The following MYO5A variants were observed in gnomAD, a reference collection of about 807,000 sequenced individuals.
MYO5A encodes the protein unconventional myosin-Va.
Under a neutral mutation model 249.7 loss-of-function variants are expected in MYO5A, and 98 were observed. That is an observed-to-expected ratio of 0.39 (90% confidence interval 0.33 to 0.46). MYO5A has a LOEUF of 0.46. MYO5A is among the 20% of genes least tolerant of loss of function. MYO5A has a pLI of 0.98. For synonymous variants in MYO5A, 778 were observed against 810.6 expected, an observed-to-expected ratio of 0.96 and a Z score of 0.68; for missense variants, 1,696 against 2,308.8, an observed-to-expected ratio of 0.73 and a Z score of 5.44.
At chr15:52,397,871 A>C (rs1425211987) in intron 9 of MYO5A, among the ~76,000 whole-genome samples, 1 of 152,242 alleles carries the variant, frequency 6.6e-6, no homozygotes, top group East Asian at 1.9e-4. Context: ...AATGGGTATT[A>C]ATCAAATGAT....
chr15:52,527,908 A>C (rs2077755218), intron 1 of MYO5A, among the ~76,000 whole-genome samples: 1 of 152,264 alleles, frequency 6.6e-6, no homozygotes, highest in Admixed American at 6.5e-5. Context: ...ATCTACCTAC[A>C]CATGAGTGTA....
intron 27 of MYO5A, among the ~76,000 whole-genome samples, chr15:52,353,190 A>C (rs549096291): frequency 1.3e-5 from 2 of 152,316 alleles, no homozygotes; most frequent in East Asian, 3.9e-4. Flanking sequence ...GAGAGCCACT[A>C]ATCTAATACT....
chr15:52,336,638 A>C, intron 33 of MYO5A, 82 bp from the exon 34 acceptor site: 2 of 1,026,506 alleles, frequency 1.9e-6, no homozygotes, highest in Non-Finnish European at 2.9e-6. Context: ...ACACAATATC[A>C]CAGAAACAAC....
At chr15:52,361,223 G>A (rs111809783) in intron 24 of MYO5A, among the ~76,000 whole-genome samples, 1 of 152,140 alleles carries the variant, frequency 6.6e-6, no homozygotes, top group Non-Finnish European at 1.5e-5. Context: ...CAAATTCACT[G>A]TCTGTTTACA....
At chr15:52,505,295 C>T in intron 1 of MYO5A, 1 of 776,834 alleles carries the variant, frequency 1.3e-6, no homozygotes, top group South Asian at 1.3e-5. Flanking sequence ...GCAGATGTGG[C>T]AGTATTTGAA....
chr15:52,449,289 G>C (rs2075965350), intron 1 of MYO5A, among the ~76,000 whole-genome samples: 1 of 152,102 alleles, frequency 6.6e-6, no homozygotes, highest in Non-Finnish European at 1.5e-5. Context: ...CTTTATAGCA[G>C]TATGAGAATG....
chr15:52,450,363 TA>T (rs869146265), intron 1 of MYO5A, among the ~76,000 whole-genome samples: 27 of 146,984 alleles, frequency 1.8e-4, no homozygotes, highest in South Asian at 8.6e-4. Flanking sequence ...TAATATTCTT[TA>T]AAAAAAAAAA....
At chr15:52,470,257 G>C (rs967610819) in intron 1 of MYO5A, among the ~76,000 whole-genome samples, 1 of 152,098 alleles carries the variant, frequency 6.6e-6, no homozygotes, top group Non-Finnish European at 1.5e-5. Flanking sequence ...AATTAGACGT[G>C]CTGTGTTTGG....
intron 1 of MYO5A, among the ~76,000 whole-genome samples, chr15:52,437,775 A>G (rs550702129): frequency 6.6e-6 from 1 of 152,298 alleles, no homozygotes; most frequent in African/African-American, 2.4e-5. Context: ...GTTCTGTGTT[A>G]GTAGGGAGCT....
Position 52,313,037 on chromosome 15 carries a change from C to T in MYO5A, c.*659G>A. On this transcript the variant is annotated 3_prime_UTR_variant, in exon 42 of 42. Coordinates refer to ENST00000399233, the MANE Select transcript of MYO5A (RefSeq NM_001382347.1). ...TTATTGTAGTGCCTAATATCACTTA[C>T]ATTTTAAGAAGACAGTATGTAGCAG... The T allele has an allele frequency of 6.5e-6, 1 of 152,830 alleles. No individual in the cohort carries two copies. The highest frequency in any genetic ancestry group is 1.9e-4 in the East Asian group (1 of 5,200). 9.5% of individuals were successfully genotyped at this position (152,830 alleles called of 1,614,324 possible).
chr15:52,476,236 A>G (rs929077910), intron 1 of MYO5A, among the ~76,000 whole-genome samples: 83 of 150,238 alleles, frequency 5.5e-4, no homozygotes, highest in East Asian at 1.6e-3. Context: ...TTTGTTTTCC[A>G]TTTGCTTGGT....
intron 1 of MYO5A, among the ~76,000 whole-genome samples, chr15:52,459,851 G>A (rs188143220): frequency 0.027 from 4,133 of 151,472 alleles, 78 homozygotes; most frequent in Non-Finnish European, 0.043. Context: ...TCTCCCAGAT[G>A]GGGTGGCGGC....
chr15:52,313,584 G>T lies in MYO5A; in HGVS notation c.*112C>A. On this transcript the variant is annotated 3_prime_UTR_variant, in exon 42 of 42. Transcript: ENST00000399233. ...TTTCCAGTTAATGACTTCTCATTTG[G>T]GAGATAATCAGTACTTTCTCTTTAA... 1 of 1,316,344 alleles carries T rather than the reference G, an allele frequency of 7.6e-7. No individual in the cohort carries two copies. The highest frequency in any genetic ancestry group is 1.1e-6 in the Non-Finnish European group (1 of 928,824). 81.5% of individuals were successfully genotyped at this position (1,316,344 alleles called of 1,614,324 possible). A position where few individuals can be genotyped will look rare whatever the true frequency, so the allele number is the denominator to read the frequency against.
intron 1 of MYO5A, among the ~76,000 whole-genome samples, chr15:52,488,206 TA>T (rs5812610): frequency 0.59 from 87,915 of 148,116 alleles, 27,057 homozygotes; most frequent in East Asian, 0.71. Context: ...AGAGAAGGAT[TA>T]AAAAAAAAAA....
At chr15:52,413,147 CAAAAAAAA>C (rs767059579) in intron 5 of MYO5A, among the ~76,000 whole-genome samples, 1 of 66,166 alleles carries the variant, frequency 1.5e-5, no homozygotes, top group Non-Finnish European at 3.0e-5. Context: ...AACTCTGTCT[CAAAAAAAA>C]AAAAAAAAAA....
chr15:52,383,333 C>A (rs1596381562), intron 15 of MYO5A, 145 bp from the exon 16 acceptor site: 20 of 718,004 alleles, frequency 2.8e-5, no homozygotes, highest in Admixed American at 6.5e-5. Context: ...AGAGGAGCTG[C>A]CACAAAACAA....
intron 11 of MYO5A, among the ~76,000 whole-genome samples, chr15:52,393,526 T>C (rs1287095582): frequency 6.6e-6 from 1 of 152,100 alleles, no homozygotes; most frequent in Non-Finnish European, 1.5e-5. Flanking sequence ...CCTGAGTAGC[T>C]GGGACTACAG....
intron 40 of MYO5A, 117 bp from the exon 41 acceptor site, chr15:52,314,320 G>T (rs1240937177): frequency 7.8e-6 from 6 of 764,836 alleles, no homozygotes; most frequent in Non-Finnish European, 1.4e-5. Flanking sequence ...CTCAGGGGTG[G>T]GCTGGGACCA....
chr15:52,437,249 G>A (rs1219449926), intron 1 of MYO5A, among the ~76,000 whole-genome samples: 2 of 152,136 alleles, frequency 1.3e-5, no homozygotes, highest in African/African-American at 4.8e-5. Context: ...CACTTTTGTA[G>A]CTTTCTCTGG....
Sources: allele counts gnomAD v4.1 joint callset (sites outside exome capture counted in the v4.1 genomes callset), GRCh38; gene constraint gnomAD v4.1.1; transcripts MANE v1.5; gene names NCBI Gene and HGNC (gene_info 2026-07-23, HGNC 2026-07-21).